ADIPOR2: variants seen among roughly 807,000 people sequenced by gnomAD.
ADIPOR2 encodes adiponectin receptor 2.
ADIPOR2 carries 18 observed loss-of-function variants against 40.9 expected under a neutral mutation model. That is an observed-to-expected ratio of 0.44 (90% CI 0.30 to 0.65). The LOEUF (loss-of-function observed/expected upper bound fraction) is 0.65. Ranked by LOEUF, ADIPOR2 falls within the 30% of genes least tolerant of loss-of-function variation. ADIPOR2 has a pLI of 0.09. For missense variants in ADIPOR2, 283 were observed against 479.2 expected (o/e 0.59, Z 3.82); for synonymous variants, 165 against 166.4 (o/e 0.99, Z 0.06).
At position 1,785,931 on chromosome 12, in the gene ADIPOR2, T is replaced by C. The variant is rs201089342; in HGVS notation, c.1033-13T>C. ...GGTTTCTCTACCCCCTTCTCTTCTT[T>C]TTTCCCCTCCAGTTTCACTCTCATC... is the stretch of plus-strand genomic sequence containing the variant. On this transcript the variant is annotated splice_polypyrimidine_tract_variant and intron_variant, in intron 7 of 7. Coordinates refer to ENST00000357103, the MANE Select transcript of ADIPOR2 (RefSeq NM_024551.3). 15 of 1,613,716 alleles carry C rather than the reference T, an allele frequency of 9.3e-6. No homozygotes were observed. The East Asian group carries it at 3.3e-4, about 36-fold the overall frequency.
chr12:1,766,994 G>A (rs906838621), intron 2 of ADIPOR2, among the ~76,000 whole-genome samples: 1 of 152,214 alleles, frequency 6.6e-6, no homozygotes, highest in Non-Finnish European at 1.5e-5. Context: ...TAGAGGCCGG[G>A]TGTGGTGGCT....
chr12:1,780,387 C>A (rs377651133), intron 4 of ADIPOR2, 64 bp from the exon 5 acceptor site: 1 of 1,355,550 alleles, frequency 7.4e-7, no homozygotes. Context: ...AAAACAGAAT[C>A]AGTTATAATA....
At chr12:1,757,423 G>C (rs1217145141) in intron 2 of ADIPOR2, 1 of 729,028 alleles carries the variant, frequency 1.4e-6, no homozygotes, top group African/African-American at 1.7e-5. Context: ...GATCCAGAGT[G>C]CCTCTCTCTG....
At chr12:1,735,525 A>G (rs1219013576) in intron 1 of ADIPOR2, among the ~76,000 whole-genome samples, 4 of 152,290 alleles carry the variant, frequency 2.6e-5, no homozygotes, top group Admixed American at 2.6e-4. Flanking sequence ...TAGATATACA[A>G]TCATGTCATC....
chr12:1,782,691 A>T (rs1160558253), intron 6 of ADIPOR2, among the ~76,000 whole-genome samples: 4 of 152,196 alleles, frequency 2.6e-5, no homozygotes, highest in Admixed American at 6.5e-5. Flanking sequence ...GTTGAGACTC[A>T]TTTAATTGAT....
rs747123109 is a variant in ADIPOR2 at position 1,783,884 on chromosome 12, G to A, written c.843G>A (p.Val281=). 6.3e-7 allele frequency: 1 copy of A among 1,599,092 alleles called. No individual in the cohort carries two copies. ...TPQYRGVRAG[V]FLGLGLSGII... ...CTCTCTTCTTGTGACTCCTAGGAGT[G>A]TTTTTGGGCCTAGGCCTGAGTGGAA... is the stretch of plus-strand genomic sequence containing the variant. Residue 281 remains valine, a synonymous_variant, in exon 7 of 8, where the codon GTG becomes GTA. Coordinates refer to ENST00000357103, the MANE Select transcript of ADIPOR2 (RefSeq NM_024551.3).
intron 2 of ADIPOR2, among the ~76,000 whole-genome samples, chr12:1,769,267 G>A (rs1312854395): frequency 2.0e-5 from 3 of 152,184 alleles, no homozygotes; most frequent in African/African-American, 4.8e-5. Flanking sequence ...CCTAGGGAAA[G>A]TATTTTTTTA....
intron 1 of ADIPOR2, among the ~76,000 whole-genome samples, chr12:1,717,567 TG>T (rs1472040577): frequency 3.3e-5 from 5 of 152,102 alleles, no homozygotes; most frequent in South Asian, 4.2e-4. Flanking sequence ...TAGCCAGGCG[TG>T]GTGGCACATG....
At chr12:1,777,117 A>G (rs1368317044) in intron 3 of ADIPOR2, among the ~76,000 whole-genome samples, 3 of 152,204 alleles carry the variant, frequency 2.0e-5, no homozygotes, top group Non-Finnish European at 4.4e-5. Context: ...AAGGCACAAA[A>G]GTATGATTCT....
At chr12:1,747,801 G>C (rs543797942) in intron 1 of ADIPOR2, among the ~76,000 whole-genome samples, 1 of 151,978 alleles carries the variant, frequency 6.6e-6, no homozygotes, top group East Asian at 1.9e-4. Flanking sequence ...AATCTTACTG[G>C]GTTCCATTTT....
chr12:1,705,867 CAGAT>C (rs2094661207), intron 1 of ADIPOR2, among the ~76,000 whole-genome samples: 2 of 152,100 alleles, frequency 1.3e-5, no homozygotes, highest in Admixed American at 6.5e-5. Context: ...ACTTTGAAGT[CAGAT>C]AGATAAAGAT....
At position 1,754,356 on chromosome 12, in the gene ADIPOR2, A is replaced by C; in HGVS notation, c.13A>C (p.Thr5Pro). Residue 5 changes from threonine (T) to proline (P), a missense_variant, in exon 2 of 8, where the codon ACA becomes CCA. Physicochemically the swap from Thr to Pro is conservative, Grantham distance 38 (BLOSUM62 -1). Around this residue, in one of 3 missense-constraint regions of ADIPOR2, gnomAD observed 65 missense variants for 79.9 expected, o/e 0.81. Coordinates refer to ENST00000357103, the MANE Select transcript of ADIPOR2 (RefSeq NM_024551.3). The part of the protein sequence containing the change: MNEP[T>P]ENRLGCSRTP... ...GCTTGGGTATCCCATGAACGAGCCA[A>C]CAGAAAACCGATTGGGGTGCAGCAG... is the stretch of plus-strand genomic sequence containing the variant. 6.2e-7 allele frequency: 1 copy of C among 1,607,776 alleles called. No individual in the cohort carries two copies. The highest frequency in any genetic ancestry group is 8.5e-7 in the Non-Finnish European group (1 of 1,177,560).
intron 1 of ADIPOR2, among the ~76,000 whole-genome samples, chr12:1,731,963 GAAAACAAAAACA>G (rs1001449928): frequency 6.7e-6 from 1 of 148,364 alleles, no homozygotes; most frequent in Non-Finnish European, 1.5e-5. Flanking sequence ...GACTTGGTCT[GAAAACAAAAACA>G]AAAACAAAAA....
intron 5 of ADIPOR2, 96 bp downstream of exon 5, chr12:1,780,733 C>T: frequency 7.2e-7 from 1 of 1,397,492 alleles, no homozygotes; most frequent in African/African-American, 1.5e-5. Context: ...TTAATATCAT[C>T]TCATGCAAAC....
At chr12:1,714,826 A>G (rs934493471) in intron 1 of ADIPOR2, among the ~76,000 whole-genome samples, 8 of 152,242 alleles carry the variant, frequency 5.3e-5, no homozygotes, top group Admixed American at 3.9e-4. Flanking sequence ...TGATCTAACA[A>G]TAGCATGACA....
chr12:1,725,797 A>G (rs1052738919), intron 1 of ADIPOR2, among the ~76,000 whole-genome samples: 1 of 152,224 alleles, frequency 6.6e-6, no homozygotes, highest in Non-Finnish European at 1.5e-5. Flanking sequence ...GCATTGTACT[A>G]ATCTGTCTTG....
intron 4 of ADIPOR2, chr12:1,780,218 A>T: frequency 2.6e-6 from 1 of 387,186 alleles, no homozygotes; most frequent in South Asian, 8.1e-5. Context: ...ATGCCCTTAG[A>T]TAAGTTTTTA....
At chr12:1,718,259 C>T (rs1177210931) in intron 1 of ADIPOR2, among the ~76,000 whole-genome samples, 1 of 152,042 alleles carries the variant, frequency 6.6e-6, no homozygotes, top group African/African-American at 2.4e-5. Context: ...TTATTTTAAT[C>T]TGAATGCATT....
At chr12:1,719,848 T>G (rs931216938) in intron 1 of ADIPOR2, among the ~76,000 whole-genome samples, 1 of 152,018 alleles carries the variant, frequency 6.6e-6, no homozygotes, top group Non-Finnish European at 1.5e-5. Context: ...CTAATTGTTA[T>G]AGTTTTTTAG....
Sources: allele counts gnomAD v4.1 joint callset (sites outside exome capture counted in the v4.1 genomes callset), GRCh38; gene constraint gnomAD v4.1.1; regional missense constraint gnomAD v4.1.1; transcripts MANE v1.5; gene names NCBI Gene and HGNC (gene_info 2026-07-23, HGNC 2026-07-21).